TGS1: variants seen among roughly 807,000 people sequenced by gnomAD.
TGS1 encodes the protein trimethylguanosine synthase.
A neutral mutation model predicts 92.2 loss-of-function variants in TGS1; 69 were observed. The observed-to-expected ratio is 0.75, with a 90% CI of 0.62 to 0.91. TGS1 has a LOEUF of 0.91. Ranked by LOEUF, TGS1 falls within the 40% of genes least tolerant of loss-of-function variation. The pLI is 0.00. For missense variants in TGS1, 1,062 were observed against 1,001.2 expected (o/e 1.06, Z -0.82); for synonymous variants, 345 against 338.1 (o/e 1.02, Z -0.22).
At chr8:55,790,574 C>G (rs1175235249) in intron 5 of TGS1, among the ~76,000 whole-genome samples, 2 of 151,508 alleles carry the variant, frequency 1.3e-5, no homozygotes, top group Admixed American at 6.6e-5. Flanking sequence ...GATCATAGCT[C>G]ACTATGATCT....
At chr8:55,790,428 G>T in intron 5 of TGS1, 129 bp downstream of exon 5, 1 of 661,612 alleles carries the variant, frequency 1.5e-6, no homozygotes, top group South Asian at 1.9e-5. Flanking sequence ...AGGATCTACT[G>T]GTAAGATTCT....
Position 55,799,021 on chromosome 8 carries a change from G to C in TGS1, c.1650G>C (p.Glu550Asp), listed in dbSNP as rs201222310. The C allele has an allele frequency of 3.7e-6, 6 of 1,614,150 alleles. No individual in the cohort carries two copies. The highest frequency in any genetic ancestry group is 5.1e-6 in the Non-Finnish European group (6 of 1,180,020). The change falls in exon 8 of 13, where the codon GAG (glutamate) becomes GAC (aspartate). Residue 550 changes from glutamate to aspartate, a missense_variant. Transcript: ENST00000260129. ...VHDASTSSDS[E>D]EQDMSVKKGD... ...ACGCTTCCACAAGTAGTGATTCAGA[G>C]GAACAAGACATGTCTGTTAAAAAAG... is the stretch of plus-strand genomic sequence containing the variant.
intron 5 of TGS1, 71 bp downstream of exon 5, chr8:55,790,370 TTAAA>T (rs1811845791): frequency 2.1e-6 from 2 of 952,346 alleles, no homozygotes; most frequent in African/African-American, 1.6e-5. Context: ...CCAGTGGTTA[TTAAA>T]TGATTGTTAT....
At chr8:55,774,848 G>T (rs1230895438) in intron 1 of TGS1, among the ~76,000 whole-genome samples, 4 of 152,212 alleles carry the variant, frequency 2.6e-5, no homozygotes, top group Non-Finnish European at 4.4e-5. Context: ...TTGGAAAGAG[G>T]TCTAAGGGGG....
intron 5 of TGS1, among the ~76,000 whole-genome samples, chr8:55,790,968 C>CTCTT (rs1811865750): frequency 7.5e-6 from 1 of 133,368 alleles, no homozygotes; most frequent in Non-Finnish European, 1.6e-5. Context: ...TTCATATCTT[C>CTCTT]TCTCTCTCTC....
chr8:55,814,659 TAAAA>T (rs1186059592), intron 12 of TGS1, among the ~76,000 whole-genome samples: 3 of 116,156 alleles, frequency 2.6e-5, no homozygotes, highest in African/African-American at 1.1e-4. Flanking sequence ...CGTCTCTACT[TAAAA>T]AAAAAAAAAA....
chr8:55,778,541 G>A (rs1461735426), intron 1 of TGS1, among the ~76,000 whole-genome samples: 1 of 152,186 alleles, frequency 6.6e-6, no homozygotes, highest in East Asian at 1.9e-4. Context: ...ATGTGACAGT[G>A]TCTGATGGTG....
In TGS1 at chr8:55,798,926, C is replaced by G. The variant is rs202068366; in HGVS notation, c.1555C>G (p.Leu519Val). 4.4e-6 allele frequency: 7 copies of G among 1,595,066 alleles called. No individual in the cohort carries two copies. The Admixed American group carries it at 1.3e-4, about 29-fold the overall frequency. Residue 519 changes from leucine to valine, a missense_variant, in exon 8 of 13, where the codon CTC (leucine) becomes GTC (valine). Leu to Val is a conservative substitution (Grantham distance 32, BLOSUM62 1). Transcript: ENST00000260129. ...SKILSKVEKF[L>V]TWVNKPMDEE... ...CTTAAAATTTAAGGTAGAAAAATTCCTCACATGGGTTAATAAACCAATGGA... is the reference window on the plus strand; with the variant it reads ...CTTAAAATTTAAGGTAGAAAAATTCGTCACATGGGTTAATAAACCAATGGA...
At chr8:55,775,433 G>A (rs1400161161) in intron 1 of TGS1, among the ~76,000 whole-genome samples, 1 of 152,120 alleles carries the variant, frequency 6.6e-6, no homozygotes, top group African/African-American at 2.4e-5. Flanking sequence ...ATTGTTTGGA[G>A]GAAGAGAACC....
At chr8:55,813,197 T>C in intron 12 of TGS1, 79 bp downstream of exon 12, 2 of 994,132 alleles carry the variant, frequency 2.0e-6, no homozygotes, top group Non-Finnish European at 3.1e-6. Context: ...GACATATCCT[T>C]ACCAGAGAAT....
At chr8:55,803,881 G>T (rs1185981725) in intron 9 of TGS1, among the ~76,000 whole-genome samples, 1 of 151,752 alleles carries the variant, frequency 6.6e-6, no homozygotes, top group Non-Finnish European at 1.5e-5. Flanking sequence ...ACAGGGTTTT[G>T]CCATGTTGCC....
At chr8:55,798,177 T>C (rs932146584) in intron 7 of TGS1, among the ~76,000 whole-genome samples, 1 of 152,226 alleles carries the variant, frequency 6.6e-6, no homozygotes, top group Non-Finnish European at 1.5e-5. Context: ...TATAGGCACA[T>C]TTCTTTAGAG....
At position 55,801,582 on chromosome 8, in the gene TGS1, CTTTT is replaced by C. The variant is rs1212417955; in HGVS notation, c.1850-854_1850-851del. On this transcript the variant is annotated intron_variant, in intron 8 of 12. Transcript: ENST00000260129. ...AACCACTGCGCCCAGCCCCATCGTTCTTTTTTTTTTTTTTTTTTTTTTTTGAGAC... is the reference window on the plus strand; with the variant it reads ...AACCACTGCGCCCAGCCCCATCGTTCTTTTTTTTTTTTTTTTTTTTGAGAC... 9.3e-4 allele frequency among the ~76,000 whole-genome samples: 45 copies of C among 48,214 alleles called. 1 individual carries two copies. The highest frequency in any genetic ancestry group is 3.8e-3 in the African/African-American group (41 of 10,684). The allele number at this position is 48,214 out of a possible 152,430, so 31.6% of individuals were successfully genotyped here.
In TGS1 at chr8:55,786,760, A is replaced by G. The variant is rs573000754; in HGVS notation, c.862A>G (p.Met288Val). 5 of 1,614,204 alleles carry G rather than the reference A, an allele frequency of 3.1e-6. No homozygotes were observed. Among genetic ancestry groups the G allele is most frequent in the Middle Eastern group, 1.6e-4 (1 of 6,062 alleles). The change falls in exon 4 of 13, where the codon ATG (methionine) becomes GTG (valine). Residue 288 changes from methionine (M) to valine (V), a missense_variant. Coordinates refer to ENST00000260129, the MANE Select transcript of TGS1 (RefSeq NM_024831.8). ...EADDKNDEKC[M>V]KVDLVSFPSS... Reference sequence around the variant, plus strand: ...TGATGACAAGAACGATGAAAAATGCATGAAAGTTGACTTAGTATCTTTTCC... The same window carrying G: ...TGATGACAAGAACGATGAAAAATGCGTGAAAGTTGACTTAGTATCTTTTCC...
At position 55,799,112 on chromosome 8, in the gene TGS1, G is replaced by A. The variant is rs151307206; in HGVS notation, c.1741G>A (p.Glu581Lys). The change falls in exon 8 of 13, where the codon GAA (glutamate) becomes AAA (lysine). Residue 581 changes from glutamate (E) to lysine (K), a missense_variant. By Grantham distance (56) the Glu-to-Lys change is moderately conservative. Transcript: ENST00000260129. Reference protein sequence around the residue: ...EKCQSVSSAGELETENYERDS... With the variant: ...EKCQSVSSAGKLETENYERDS... ...GTGTCAGAGCGTATCTTCAGCTGGTGAACTTGAAACAGAAAACTATGAAAG... is the reference window on the plus strand; with the variant it reads ...GTGTCAGAGCGTATCTTCAGCTGGTAAACTTGAAACAGAAAACTATGAAAG... 665 of 1,614,114 alleles carry A rather than the reference G, an allele frequency of 4.1e-4. 4 individuals are homozygous for A. In the African/African-American group the frequency reaches 7.3e-3, roughly 18 times the overall value.
Position 55,825,598 on chromosome 8 carries a change from CAG to C in TGS1, c.*897_*898del, listed in dbSNP as rs1349111872. ...TAATATGAGCGTGTTAAACATTAAA[CAG>C]AACATGATACTGGCTGGGATAAGAT... On this transcript the variant is annotated 3_prime_UTR_variant, in exon 13 of 13. Coordinates refer to ENST00000260129, the MANE Select transcript of TGS1 (RefSeq NM_024831.8). 3.3e-5 allele frequency: 5 copies of C among 152,078 alleles called. No homozygotes were observed. The highest frequency in any genetic ancestry group is 1.2e-4 in the African/African-American group (5 of 41,420). The allele number at this position is 152,078 out of a possible 1,614,324, so 9.4% of individuals were successfully genotyped here. A position where few individuals can be genotyped will look rare whatever the true frequency, so the allele number is the denominator to read the frequency against.
intron 1 of TGS1, among the ~76,000 whole-genome samples, chr8:55,780,969 C>A (rs1358218264): frequency 6.6e-6 from 1 of 152,034 alleles, no homozygotes; most frequent in South Asian, 2.1e-4. Flanking sequence ...ATAAGATGAC[C>A]CAGGTTTATC....
rs1188392784 is a variant in TGS1, at chr8:55,813,113, G to A, written c.2434G>A (p.Asp812Asn). Reference sequence around the variant, plus strand: ...TTTTCTTCCAAGAAATGCTGATATTGACCAGGTAAGCCATTACTGAAAAAC... The same window carrying A: ...TTTTCTTCCAAGAAATGCTGATATTAACCAGGTAAGCCATTACTGAAAAAC... ...VYFLPRNADI[D>N]QVASLAGPGG... The change falls in exon 12 of 13, where the codon GAC (aspartate) becomes AAC (asparagine). Residue 812 changes from aspartate (D) to asparagine (N), a missense_variant. By Grantham distance (23) the Asp-to-Asn change is conservative. Transcript: ENST00000260129. 1.2e-6 allele frequency: 2 copies of A among 1,605,998 alleles called. No individual in the cohort carries two copies. The highest frequency in any genetic ancestry group is 1.7e-5 in the Admixed American group (1 of 59,698).
chr8:55,777,810 C>A (rs1022402995), intron 1 of TGS1, among the ~76,000 whole-genome samples: 1 of 152,202 alleles, frequency 6.6e-6, no homozygotes, highest in Non-Finnish European at 1.5e-5. Flanking sequence ...GCTGGGATTA[C>A]ATGCGTGTGG....
Sources: gnomAD v4.1 joint callset for allele counts (sites outside exome capture counted in the v4.1 genomes callset) on GRCh38, gnomAD v4.1.1 for gene constraint, MANE v1.5 for transcripts, NCBI Gene and HGNC (gene_info 2026-07-23, HGNC 2026-07-21) for gene names.